The following AK7 variants were observed in gnomAD, a reference collection of about 807,000 sequenced individuals.
AK7 encodes ATP-AMP transphosphorylase 7.
AK7 carries 78 observed loss-of-function variants against 96.6 expected under a neutral mutation model. The observed-to-expected ratio is 0.81, with a 90% CI of 0.67 to 0.97. AK7 has a LOEUF of 0.97. Ranked by LOEUF, AK7 falls within the 50% of genes least tolerant of loss-of-function variation. The probability of loss-of-function intolerance (pLI) is 0.00; values close to 1 mark genes in which losing one functional copy is unlikely to be tolerated. For synonymous variants in AK7, 302 were observed against 317.2 expected (o/e 0.95, Z 0.51); for missense variants, 855 against 887.9 (o/e 0.96, Z 0.47).
chr14:96,432,786 C>T (rs1382652461), intron 5 of AK7, among the ~76,000 whole-genome samples: 1 of 150,182 alleles, frequency 6.7e-6, no homozygotes, highest in Admixed American at 6.7e-5. Context: ...AGAATGAGAC[C>T]ATCCTGGCTA....
In AK7 at chr14:96,488,638, T is replaced by C. The variant is rs1173950962; in HGVS notation, c.*295T>C. The C allele has an allele frequency of 4.1e-6, 1 of 242,412 alleles. No individual in the cohort carries two copies. The highest frequency in any genetic ancestry group is 2.2e-5 in the African/African-American group (1 of 45,116). 15.0% of individuals were successfully genotyped at this position (242,412 alleles called of 1,614,324 possible). On this transcript the variant is annotated 3_prime_UTR_variant, in exon 18 of 18. Coordinates refer to ENST00000267584, the MANE Select transcript of AK7 (RefSeq NM_152327.5). ...TACCGCTTCTGTACACTAATGTTTA[T>C]AGGTATTTATAGCATGAAGAAAATC...
intron 6 of AK7, among the ~76,000 whole-genome samples, chr14:96,439,024 A>G (rs1414056044): frequency 6.6e-6 from 1 of 152,218 alleles, no homozygotes; most frequent in Non-Finnish European, 1.5e-5. Flanking sequence ...AAGACAGGGA[A>G]TGGAGCTGGT....
At chr14:96,393,134 A>T (rs1339209390) in intron 1 of AK7, among the ~76,000 whole-genome samples, 1 of 152,184 alleles carries the variant, frequency 6.6e-6, no homozygotes. Flanking sequence ...AGATATTCAG[A>T]AAAAGGGCTC....
chr14:96,487,383 CAAAAAAAAAA>C (rs150742803), intron 17 of AK7, among the ~76,000 whole-genome samples: 55 of 46,742 alleles, frequency 1.2e-3, no homozygotes, highest in Non-Finnish European at 1.7e-3. Flanking sequence ...GACTCCGTCT[CAAAAAAAAAA>C]AAAAAAAGAA....
At chr14:96,437,402 G>T (rs965154915) in intron 5 of AK7, among the ~76,000 whole-genome samples, 3 of 152,028 alleles carry the variant, frequency 2.0e-5, no homozygotes, top group African/African-American at 7.3e-5. Flanking sequence ...TTCTTACAGT[G>T]CCTAAACTGC....
chr14:96,435,999 T>C (rs1282510441), intron 5 of AK7, among the ~76,000 whole-genome samples: 1 of 152,068 alleles, frequency 6.6e-6, no homozygotes, highest in African/African-American at 2.4e-5. Context: ...CTCACCTGAT[T>C]TTTGGTTCTT....
At position 96,392,249 on chromosome 14, in the gene AK7, A is replaced by T. The variant is rs942763605; in HGVS notation, c.95A>T (p.Asn32Ile). ...CTGTTGGATTCCTACAGCAGCGGAAACATCGGGAAGGTGAGCGGCGGCGGC... is the reference window on the plus strand; with the variant it reads ...CTGTTGGATTCCTACAGCAGCGGAATCATCGGGAAGGTGAGCGGCGGCGGC... The part of the protein sequence containing the change: ...INLLDSYSSG[N>I]IGKFLSNCVV... Residue 32 changes from asparagine (N) to isoleucine (I), a missense_variant, in exon 1 of 18, where the codon AAC becomes ATC. Asn to Ile is a moderately radical substitution (Grantham distance 149). Coordinates refer to ENST00000267584, the MANE Select transcript of AK7 (RefSeq NM_152327.5). 1 of 1,612,358 alleles carries T rather than the reference A, an allele frequency of 6.2e-7. No individual in the cohort carries two copies. Among genetic ancestry groups the T allele is most frequent in the Non-Finnish European group, 8.5e-7 (1 of 1,178,640 alleles).
chr14:96,449,708 A>T, intron 8 of AK7, 94 bp from the exon 9 acceptor site: 1 of 874,114 alleles, frequency 1.1e-6, no homozygotes, highest in Non-Finnish European at 1.8e-6. Flanking sequence ...TGCTGGGATT[A>T]CAGGCGTGAG....
At chr14:96,445,566 G>A (rs776444711) in intron 7 of AK7, among the ~76,000 whole-genome samples, 4 of 152,064 alleles carry the variant, frequency 2.6e-5, no homozygotes, top group African/African-American at 7.2e-5. Context: ...AGGTGGAGGC[G>A]GGAGGATCAC....
intron 12 of AK7, among the ~76,000 whole-genome samples, chr14:96,466,306 G>A (rs1236774169): frequency 2.6e-5 from 4 of 151,816 alleles, no homozygotes; most frequent in Admixed American, 1.3e-4. Flanking sequence ...GCATGATCTC[G>A]GCTCACTGCA....
At position 96,449,848 on chromosome 14, in the gene AK7, G is replaced by T. The variant is rs1242085448; in HGVS notation, c.917G>T (p.Arg306Ile). Residue 306 changes from arginine to isoleucine, a missense_variant, in exon 9 of 18, where the codon AGA becomes ATA. Coordinates refer to ENST00000267584, the MANE Select transcript of AK7 (RefSeq NM_152327.5). ...CCTGGGAAAATCCAGAAAATACCCA[G>T]AGAAAATGCATACCTAACCAAGGAC... is the stretch of plus-strand genomic sequence containing the variant. ...TGPGKIQKIP[R>I]ENAYLTKDLT... 1.9e-6 allele frequency: 3 copies of T among 1,610,042 alleles called. No homozygotes were observed. The highest frequency in any genetic ancestry group is 2.5e-6 in the Non-Finnish European group (3 of 1,178,444).
At chr14:96,444,661 C>T (rs1168247255) in intron 7 of AK7, among the ~76,000 whole-genome samples, 1 of 151,840 alleles carries the variant, frequency 6.6e-6, no homozygotes, top group Non-Finnish European at 1.5e-5. Flanking sequence ...TGTTTTAATC[C>T]TTATGGCAAA....
intron 12 of AK7, among the ~76,000 whole-genome samples, chr14:96,468,214 C>CAAA (rs71103532): frequency 5.3e-4 from 57 of 107,180 alleles, no homozygotes; most frequent in African/African-American, 1.7e-3. Context: ...GACCCTGTCT[C>CAAA]AAAAAAAAAA....
intron 5 of AK7, among the ~76,000 whole-genome samples, chr14:96,432,902 G>A (rs1242300715): frequency 1.3e-5 from 2 of 152,042 alleles, no homozygotes; most frequent in Non-Finnish European, 2.9e-5. Context: ...GCTGAGGCAG[G>A]AGAATGGTGT....
intron 12 of AK7, among the ~76,000 whole-genome samples, chr14:96,460,503 C>T (rs1381497213): frequency 1.3e-5 from 2 of 152,164 alleles, no homozygotes; most frequent in African/African-American, 4.8e-5. Flanking sequence ...GCTTGCTGCT[C>T]CTTTGTCATC....
intron 7 of AK7, among the ~76,000 whole-genome samples, chr14:96,443,053 A>G (rs1313062341): frequency 6.6e-6 from 1 of 152,192 alleles, no homozygotes; most frequent in Non-Finnish European, 1.5e-5. Flanking sequence ...CATCTCTTAG[A>G]AACTATCGAC....
chr14:96,460,947 G>T (rs1006986331), intron 12 of AK7, among the ~76,000 whole-genome samples: 3 of 152,162 alleles, frequency 2.0e-5, no homozygotes, highest in African/African-American at 7.2e-5. Flanking sequence ...TGGGATGGAG[G>T]AGGTGGTTTT....
At position 96,483,438 on chromosome 14, in the gene AK7, T is replaced by C. The variant is rs148037997; in HGVS notation, c.1974+219T>C. Among the ~76,000 whole-genome samples, 520 of 152,242 alleles carry C rather than the reference T, an allele frequency of 3.4e-3. 1 individual carries two copies. The highest frequency in any genetic ancestry group is 0.012 in the African/African-American group (501 of 41,534). On this transcript the variant is annotated intron_variant, in intron 16 of 17. Coordinates refer to ENST00000267584, the MANE Select transcript of AK7 (RefSeq NM_152327.5). ...TTTTTTTTTTTCTTTTTCTTTTTGT[T>C]TGAGACAGGGTCTGGCTCTGTCGCC...
intron 5 of AK7, among the ~76,000 whole-genome samples, chr14:96,433,859 T>C (rs867890856): frequency 3.9e-5 from 6 of 152,378 alleles, no homozygotes; most frequent in Middle Eastern, 3.4e-3. Context: ...TTCTTCAGTA[T>C]GGCAATTGCA....
Sources: allele counts gnomAD v4.1 joint callset (sites outside exome capture counted in the v4.1 genomes callset), GRCh38; gene constraint gnomAD v4.1.1; transcripts MANE v1.5; gene names NCBI Gene and HGNC (gene_info 2026-07-23, HGNC 2026-07-21).